LPXN: variants seen among roughly 807,000 people sequenced by gnomAD.
LPXN encodes the protein leupaxin.
In LPXN, 28 loss-of-function variants were observed where a neutral mutation model predicts 45.6. The ratio of observed to expected loss-of-function variants is 0.61; its 90% CI spans 0.45 to 0.84. LPXN has a LOEUF of 0.84. LPXN is among the 40% of genes least tolerant of loss of function. The pLI is 0.00. For missense variants in LPXN, 459 were observed against 475.0 expected (o/e 0.97, Z 0.31); for synonymous variants, 166 against 169.9 (o/e 0.98, Z 0.18).
chr11:58,535,876 A>T (rs1391019688), intron 7 of LPXN, among the ~76,000 whole-genome samples: 1 of 152,242 alleles, frequency 6.6e-6, no homozygotes, highest in South Asian at 2.1e-4. Context: ...TACGCCAATA[A>T]TAGACAGCGA....
At chr11:58,548,584 G>A (rs1331651795) in intron 7 of LPXN, among the ~76,000 whole-genome samples, 1 of 152,140 alleles carries the variant, frequency 6.6e-6, no homozygotes, top group Non-Finnish European at 1.5e-5. Context: ...GGATTCAAAT[G>A]TTAACTTTAG....
In LPXN at chr11:58,527,645, G is replaced by A. The variant is rs536179948; in HGVS notation, c.970C>T (p.Arg324Cys). 47 of 1,614,144 alleles carry A rather than the reference G, an allele frequency of 2.9e-5. 1 individual carries two copies. The South Asian group carries it at 3.4e-4, about 12-fold the overall frequency. ...RPFCELHYHH[R>C]RGTLCHGCGQ... ...CACCCATGGCAGAGCGTTCCCCGGC[G>A]GTGATGGTAATGGAGCTCACAGAAT... The change falls in exon 9 of 9, where the codon CGC becomes TGC. Residue 324 changes from arginine (R) to cysteine (C), a missense_variant. Physicochemically the swap from Arg to Cys is radical, Grantham distance 180. Coordinates refer to ENST00000395074, the MANE Select transcript of LPXN (RefSeq NM_004811.3).
intron 7 of LPXN, among the ~76,000 whole-genome samples, chr11:58,538,678 C>T (rs1243360502): frequency 1.3e-5 from 2 of 151,978 alleles, no homozygotes; most frequent in African/African-American, 2.4e-5. Flanking sequence ...TGAGTGAGGA[C>T]GGATATGTTA....
At chr11:58,545,306 G>T (rs1402838609) in intron 7 of LPXN, among the ~76,000 whole-genome samples, 6 of 152,082 alleles carry the variant, frequency 3.9e-5, no homozygotes, top group East Asian at 3.8e-4. Flanking sequence ...GTATTTTTTT[G>T]TGTGTGTATC....
intron 7 of LPXN, among the ~76,000 whole-genome samples, chr11:58,532,104 G>A (rs182853850): frequency 1.1e-4 from 17 of 152,354 alleles, no homozygotes; most frequent in East Asian, 5.8e-4. Context: ...CAGCAGCTGC[G>A]GAGGGTGCAC....
chr11:58,551,087 C>T lies in LPXN; in HGVS notation c.464G>A (p.Cys155Tyr). 1.3e-6 allele frequency: 2 copies of T among 1,578,602 alleles called. No individual in the cohort carries two copies. Among genetic ancestry groups the T allele is most frequent in the South Asian group, 1.2e-5 (1 of 85,786 alleles). ...CACCTTCCCAGCAATCGGTTTCTGG[C>T]AGGATGCACAATGGCCCTTGGGCAC... ...ATVPKGHCAS[C>Y]QKPIAGKVIH... Residue 155 changes from cysteine (C) to tyrosine (Y), a missense_variant, in exon 5 of 9, where the codon TGC (cysteine) becomes TAC (tyrosine). Physicochemically the swap from Cys to Tyr is radical, Grantham distance 194. Coordinates refer to ENST00000395074, the MANE Select transcript of LPXN (RefSeq NM_004811.3).
chr11:58,575,937 G>A, upstream of LPXN: 6 of 1,423,554 alleles, frequency 4.2e-6, no homozygotes, highest in Non-Finnish European at 5.5e-6. Flanking sequence ...TTGATTTGGT[G>A]AGCTTTTTTT....
chr11:58,570,479 T>G (rs534130464), intron 2 of LPXN, 77 bp downstream of exon 2: 3 of 1,107,720 alleles, frequency 2.7e-6, no homozygotes, highest in Non-Finnish European at 3.9e-6. Context: ...TTCATATTAT[T>G]TTATGTGGGA....
intron 2 of LPXN, among the ~76,000 whole-genome samples, chr11:58,565,195 G>A (rs1209753581): frequency 6.6e-6 from 1 of 152,118 alleles, no homozygotes; most frequent in Non-Finnish European, 1.5e-5. Flanking sequence ...CCAGTACTTT[G>A]GGCAGCCGAG....
intron 4 of LPXN, among the ~76,000 whole-genome samples, chr11:58,553,164 C>T (rs916419857): frequency 6.6e-6 from 1 of 151,858 alleles, no homozygotes; most frequent in Non-Finnish European, 1.5e-5. Flanking sequence ...AGCAAAACCT[C>T]GTCTCTACTA....
intron 3 of LPXN, among the ~76,000 whole-genome samples, chr11:58,562,840 CTT>C (rs1854419728): frequency 6.6e-6 from 1 of 152,050 alleles, no homozygotes; most frequent in Non-Finnish European, 1.5e-5. Context: ...GATTTCACTG[CTT>C]TTTACCCTGC....
chr11:58,560,126 T>C (rs1854328999), intron 3 of LPXN, among the ~76,000 whole-genome samples: 1 of 152,224 alleles, frequency 6.6e-6, no homozygotes, highest in Non-Finnish European at 1.5e-5. Context: ...TATCTTAAGT[T>C]ATATTTTTAA....
upstream of LPXN, among the ~76,000 whole-genome samples, chr11:58,578,872 G>A (rs1410470589): frequency 2.0e-5 from 3 of 151,626 alleles, no homozygotes; most frequent in African/African-American, 4.8e-5. Context: ...TGGGATTGTC[G>A]CGAGACACAG....
intron 3 of LPXN, among the ~76,000 whole-genome samples, chr11:58,558,700 A>C (rs1033779335): frequency 6.6e-6 from 1 of 152,046 alleles, no homozygotes; most frequent in African/African-American, 2.4e-5. Context: ...TCCAAAACAG[A>C]CTATTCGACT....
chr11:58,567,257 T>G (rs1244386473), intron 2 of LPXN, among the ~76,000 whole-genome samples: 4 of 152,214 alleles, frequency 2.6e-5, no homozygotes, highest in Non-Finnish European at 5.9e-5. Flanking sequence ...ACCTTCAATG[T>G]TGAGCTTTTC....
At chr11:58,550,930 G>A in intron 5 of LPXN, 135 bp downstream of exon 5, 1 of 745,228 alleles carries the variant, frequency 1.3e-6, no homozygotes. Context: ...TTAGCTCAGT[G>A]GCCAGAGCAC....
intron 3 of LPXN, among the ~76,000 whole-genome samples, chr11:58,555,975 T>A (rs912326963): frequency 6.6e-6 from 1 of 151,584 alleles, no homozygotes; most frequent in Non-Finnish European, 1.5e-5. Context: ...AAACAAGAAA[T>A]AAAACAAAAA....
At chr11:58,568,450 A>G (rs1854586108) in intron 2 of LPXN, among the ~76,000 whole-genome samples, 1 of 152,080 alleles carries the variant, frequency 6.6e-6, no homozygotes, top group Admixed American at 6.6e-5. Flanking sequence ...TAAAAATACA[A>G]AAATTAGCTG....
intron 7 of LPXN, among the ~76,000 whole-genome samples, chr11:58,548,661 C>T (rs1173885595): frequency 6.6e-6 from 1 of 152,194 alleles, no homozygotes; most frequent in African/African-American, 2.4e-5. Context: ...CCTCCATGTG[C>T]TTGGCACTAT....
Sources: gnomAD v4.1 joint callset for allele counts (sites outside exome capture counted in the v4.1 genomes callset) on GRCh38, gnomAD v4.1.1 for gene constraint, MANE v1.5 for transcripts, NCBI Gene and HGNC (gene_info 2026-07-23, HGNC 2026-07-21) for gene names.